Variants in USH2A observed in about 807,000 individuals in gnomAD.
USH2A encodes the protein usherin, also known as Usher syndrome 2A (autosomal recessive, mild).
In USH2A, 443 loss-of-function variants were observed where a neutral mutation model predicts 538.9. That is an observed-to-expected ratio of 0.82 (90% CI 0.76 to 0.89). The LOEUF is 0.89. Ranked by LOEUF, USH2A falls within the 40% of genes least tolerant of loss-of-function variation. The pLI is 0.00. For synonymous variants in USH2A, 2,413 were observed against 2,273.5 expected (o/e 1.06, Z -1.75); for missense variants, 6,633 against 6,324.8 (o/e 1.05, Z -1.65).
chr1:216,099,906 C>T (rs141007470), intron 21 of USH2A, among the ~76,000 whole-genome samples: 223 of 152,026 alleles, frequency 1.5e-3, no homozygotes, highest in African/African-American at 4.7e-3. Flanking sequence ...GAAGAGAAGA[C>T]GATGCTAGGA....
In USH2A at chr1:215,993,060, G is replaced by T; in HGVS notation, c.6765C>A (p.Asp2255Glu). ...GCTCAGTCCAGGAGACATTAAAGGA[G>T]TCAGGTGAATATGAGTGGGCTTTGG... is the stretch of plus-strand genomic sequence containing the variant. ...PAPKAHSYSP[D>E]SFNVSWTEPE... Residue 2255 changes from aspartate to glutamate, a missense_variant, in exon 35 of 72, where the codon GAC becomes GAA. Physicochemically the swap from Asp to Glu is conservative, Grantham distance 45. Transcript: ENST00000307340. 1.9e-6 allele frequency: 3 copies of T among 1,614,156 alleles called. No homozygotes were observed. Among genetic ancestry groups the T allele is most frequent in the Non-Finnish European group, 2.5e-6 (3 of 1,179,990 alleles).
chr1:215,952,596 A>C (rs959437844), intron 37 of USH2A, among the ~76,000 whole-genome samples: 1 of 152,080 alleles, frequency 6.6e-6, no homozygotes, highest in African/African-American at 2.4e-5. Flanking sequence ...ATCTCTCAGC[A>C]TTTGCTTGTC....
chr1:216,028,288 T>G (rs986844679), intron 32 of USH2A, among the ~76,000 whole-genome samples: 7 of 151,962 alleles, frequency 4.6e-5, no homozygotes, highest in Non-Finnish European at 1.0e-4. Context: ...CTCAGGAGAC[T>G]AAGGCAGGAG....
intron 40 of USH2A, among the ~76,000 whole-genome samples, chr1:215,894,783 C>T (rs1015595314): frequency 2.0e-5 from 3 of 152,160 alleles, no homozygotes; most frequent in South Asian, 2.1e-4. Flanking sequence ...GCCTCATACT[C>T]AGAGGCTGGA....
At chr1:215,746,837 C>A (rs983599806) in intron 58 of USH2A, among the ~76,000 whole-genome samples, 1 of 152,154 alleles carries the variant, frequency 6.6e-6, no homozygotes, top group East Asian at 1.9e-4. Context: ...TAAGGACTTA[C>A]TGTGCCTTTT....
chr1:216,381,923 T>C (rs554424335), intron 3 of USH2A, among the ~76,000 whole-genome samples: 13 of 152,312 alleles, frequency 8.5e-5, no homozygotes, highest in African/African-American at 3.1e-4. Context: ...AAGTACTGTA[T>C]TTTCAATCTG....
At chr1:215,807,424 G>A (rs1018604228) in intron 49 of USH2A, among the ~76,000 whole-genome samples, 2 of 152,224 alleles carry the variant, frequency 1.3e-5, no homozygotes, top group African/African-American at 4.8e-5. Flanking sequence ...ATATGTGAAT[G>A]ATCATCTGTC....
At chr1:216,140,875 G>A (rs1204036719) in intron 21 of USH2A, among the ~76,000 whole-genome samples, 1 of 152,242 alleles carries the variant, frequency 6.6e-6, no homozygotes, top group Non-Finnish European at 1.5e-5. Context: ...AGGCTCCTGA[G>A]ACAGAGGGCT....
intron 38 of USH2A, among the ~76,000 whole-genome samples, chr1:215,902,198 C>A (rs1011879988): frequency 2.0e-5 from 3 of 152,054 alleles, no homozygotes; most frequent in African/African-American, 7.2e-5. Flanking sequence ...ATAATGAGAA[C>A]AAATGAAATA....
chr1:215,630,512 ATATATATATATATAT>A (rs1252508110), intron 70 of USH2A, among the ~76,000 whole-genome samples: 4 of 102,844 alleles, frequency 3.9e-5, no homozygotes, highest in African/African-American at 1.2e-4. Flanking sequence ...ATATATATAT[ATATATATATATATAT>A]GAGAGAGAGA....
intron 25 of USH2A, 63 bp from the exon 26 acceptor site, chr1:216,083,649 G>A (rs1450325349): frequency 6.4e-7 from 1 of 1,556,556 alleles, no homozygotes; most frequent in African/African-American, 1.4e-5. Flanking sequence ...CATTGTAAGG[G>A]TGCTAAGAAA....
chr1:215,633,415 T>G (rs921337090), intron 70 of USH2A, among the ~76,000 whole-genome samples: 1 of 152,172 alleles, frequency 6.6e-6, no homozygotes, highest in South Asian at 2.1e-4. Context: ...ACTGCCCTTT[T>G]GTGCTCCCAA....
At chr1:215,800,405 G>T (rs1241519731) in intron 49 of USH2A, among the ~76,000 whole-genome samples, 27 of 152,118 alleles carry the variant, frequency 1.8e-4, no homozygotes, top group Admixed American at 1.8e-3. Context: ...TATAAGGTAT[G>T]TGAGTATGAT....
intron 10 of USH2A, 27 bp downstream of exon 10, chr1:216,292,148 C>G (rs2037012601): frequency 6.2e-7 from 1 of 1,613,084 alleles, no homozygotes; most frequent in Middle Eastern, 1.7e-4. Context: ...GCCTCCAAAC[C>G]AACTCAGGAA....
intron 12 of USH2A, among the ~76,000 whole-genome samples, chr1:216,247,479 C>A (rs1457324986): frequency 2.0e-5 from 3 of 152,122 alleles, no homozygotes; most frequent in Admixed American, 6.6e-5. Context: ...ATGCTTAATG[C>A]AAATGTTGTT....
intron 9 of USH2A, among the ~76,000 whole-genome samples, chr1:216,313,242 C>A (rs1446130126): frequency 6.6e-6 from 1 of 152,160 alleles, no homozygotes; most frequent in African/African-American, 2.4e-5. Flanking sequence ...TGATAGCTCA[C>A]CAGCTGCTCA....
At position 216,084,795 on chromosome 1, in the gene USH2A, A is replaced by G. The variant is rs1490986868; in HGVS notation, c.5070T>C (p.Pro1690=). 3 of 1,613,610 alleles carry G rather than the reference A, an allele frequency of 1.9e-6. No homozygotes were observed. The highest frequency in any genetic ancestry group is 2.5e-6 in the Non-Finnish European group (3 of 1,179,708). ...KNYNPSAIWE[P]LDWQSSEEQI... ...GTTCTTCAGAACTCTGCCAATCCAG[A>G]GGTTCCCAAATAGCTGACGGATTGT... The change falls in exon 25 of 72, where the codon CCT becomes CCC. Residue 1690 remains proline (P), a synonymous_variant. Coordinates refer to ENST00000307340, the MANE Select transcript of USH2A (RefSeq NM_206933.4).
chr1:216,368,720 G>GAATCTT lies in USH2A; in HGVS notation c.652-3641_652-3636dup, dbSNP rs2038645764. ...GATGGTTGTTTCTAACTTAAATACT[G>GAATCTT]AATCTTAATGCAGTCAAGAAGGATT... On this transcript the variant is annotated intron_variant, in intron 3 of 71. Transcript: ENST00000307340. Among the ~76,000 whole-genome samples the GAATCTT allele has an allele frequency of 2.0e-5, 3 of 152,126 alleles. No homozygotes were observed. The South Asian group carries it at 6.2e-4, about 32-fold the overall frequency.
intron 21 of USH2A, among the ~76,000 whole-genome samples, chr1:216,103,042 A>G (rs1229574550): frequency 1.3e-5 from 2 of 152,236 alleles, no homozygotes; most frequent in Non-Finnish European, 2.9e-5. Context: ...TCTCACAAAC[A>G]TGGATTGTGT....
Sources: gnomAD v4.1 joint callset for allele counts (sites outside exome capture counted in the v4.1 genomes callset) on GRCh38, gnomAD v4.1.1 for gene constraint, MANE v1.5 for transcripts, NCBI Gene and HGNC (gene_info 2026-07-23, HGNC 2026-07-21) for gene names.